Variants in PDE2A observed in about 807,000 individuals in gnomAD.
PDE2A encodes phosphodiesterase 2A.
In PDE2A, 53 loss-of-function variants were observed where a neutral mutation model predicts 133.6. The observed-to-expected ratio is 0.40, with a 90% CI of 0.32 to 0.50. The LOEUF (loss-of-function observed/expected upper bound fraction) is 0.50, where lower values mean the gene tolerates loss of function less well. PDE2A is among the 20% of genes least tolerant of loss of function. PDE2A has a pLI of 0.73. For missense variants in PDE2A, 796 were observed against 1,232.4 expected, an observed-to-expected ratio of 0.65 and a Z score of 5.30; for synonymous variants, 491 against 490.2, an observed-to-expected ratio of 1.00 and a Z score of -0.02.
At chr11:72,647,313 T>C (rs1859154626) in intron 1 of PDE2A, among the ~76,000 whole-genome samples, 1 of 152,210 alleles carries the variant, frequency 6.6e-6, no homozygotes, top group South Asian at 2.1e-4. Context: ...TTCCCTGACA[T>C]GCTGGGTGAC....
intron 6 of PDE2A, among the ~76,000 whole-genome samples, chr11:72,592,205 A>T (rs1180992224): frequency 1.3e-5 from 2 of 151,802 alleles, no homozygotes; most frequent in Non-Finnish European, 2.9e-5. Flanking sequence ...CAGCCTAGGG[A>T]CCCACTACAG....
Position 72,577,163 on chromosome 11 carries a change from T to C in PDE2A, c.*221A>G. On this transcript the variant is annotated 3_prime_UTR_variant, in exon 31 of 31. Coordinates refer to ENST00000334456, the MANE Select transcript of PDE2A (RefSeq NM_002599.5). ...GCCCACTGCTCATTGGTCACCCCTG[T>C]GCTCTCAGAAAACAAATTACAAAGT... The C allele has an allele frequency of 1.8e-6, 1 of 567,654 alleles. No individual in the cohort carries two copies. Among genetic ancestry groups the C allele is most frequent in the South Asian group, 2.3e-5 (1 of 42,748 alleles). 35.2% of individuals were successfully genotyped at this position (567,654 alleles called of 1,614,324 possible).
At chr11:72,663,241 C>G (rs1855124863) in intron 1 of PDE2A, among the ~76,000 whole-genome samples, 1 of 152,204 alleles carries the variant, frequency 6.6e-6, no homozygotes. Flanking sequence ...AGGGCACCCT[C>G]AAGGCCAGTT....
At position 72,590,664 on chromosome 11, in the gene PDE2A, C is replaced by A. The variant is rs1223056165; in HGVS notation, c.550-84G>T. 2 of 1,254,154 alleles carry A rather than the reference C, an allele frequency of 1.6e-6. No homozygotes were observed. The allele number at this position is 1,254,154 out of a possible 1,614,324, so 77.7% of individuals were successfully genotyped here. A position where few individuals can be genotyped will look rare whatever the true frequency, so the allele number is the denominator to read the frequency against. The stretch of plus-strand genomic sequence containing the variant: ...GCGGGATTCCTGCCTTTGCTCCCGC[C>A]GTTCCCTCTGCCTGCCGGGCCCAGG... On this transcript the variant is annotated intron_variant, in intron 7 of 30. Coordinates refer to ENST00000334456, the MANE Select transcript of PDE2A (RefSeq NM_002599.5). The surrounding 1 kb of genome is among the most constrained non-coding windows in gnomAD (Gnocchi z 4.8).
At chr11:72,648,763 T>C (rs1357855204) in intron 1 of PDE2A, among the ~76,000 whole-genome samples, 2 of 152,092 alleles carry the variant, frequency 1.3e-5, no homozygotes, top group Non-Finnish European at 2.9e-5. Context: ...GATCCTTCCT[T>C]TTCACAGGCT....
At chr11:72,602,780 G>A (rs1856814677) in intron 4 of PDE2A, among the ~76,000 whole-genome samples, 1 of 152,230 alleles carries the variant, frequency 6.6e-6, no homozygotes, top group Non-Finnish European at 1.5e-5. Flanking sequence ...GGAAAGCAGA[G>A]AGACAGGGAG....
intron 4 of PDE2A, among the ~76,000 whole-genome samples, chr11:72,600,150 T>C (rs1302279949): frequency 1.3e-5 from 2 of 152,164 alleles, no homozygotes; most frequent in African/African-American, 2.4e-5. Context: ...GGAGCTGGGC[T>C]TGAGCCTGAG....
At chr11:72,638,965 C>T (rs1858832174) in intron 2 of PDE2A, among the ~76,000 whole-genome samples, 1 of 152,204 alleles carries the variant, frequency 6.6e-6, no homozygotes, top group African/African-American at 2.4e-5. Context: ...CCAACACCCC[C>T]TTCAAGGTCC....
intron 4 of PDE2A, among the ~76,000 whole-genome samples, chr11:72,600,444 G>A (rs747578128): frequency 2.0e-5 from 3 of 151,936 alleles, no homozygotes; most frequent in East Asian, 1.9e-4. Context: ...GCCCTCCCCC[G>A]GCTTTGCGGG....
At chr11:72,585,912 T>G (rs570738688) in intron 14 of PDE2A, among the ~76,000 whole-genome samples, 158 bp downstream of exon 14, 2 of 152,318 alleles carry the variant, frequency 1.3e-5, no homozygotes, top group South Asian at 2.1e-4. Flanking sequence ...GCGCGGGTCC[T>G]GAACAACTGC....
intron 2 of PDE2A, among the ~76,000 whole-genome samples, chr11:72,623,608 C>T (rs1253916920): frequency 2.0e-5 from 3 of 152,100 alleles, no homozygotes; most frequent in Admixed American, 6.5e-5. Context: ...ACAGCTCACT[C>T]GGTTTCTGCC....
At chr11:72,611,060 T>C (rs1857192000) in intron 2 of PDE2A, among the ~76,000 whole-genome samples, 1 of 152,228 alleles carries the variant, frequency 6.6e-6, no homozygotes, top group African/African-American at 2.4e-5. Flanking sequence ...TGTTGGTTTG[T>C]GTCTATTCCT....
At chr11:72,653,441 A>AG (rs967775514) in intron 1 of PDE2A, among the ~76,000 whole-genome samples, 14 of 152,160 alleles carry the variant, frequency 9.2e-5, no homozygotes, top group Non-Finnish European at 1.3e-4. Context: ...GACCAGAGGC[A>AG]GGGGGGTCCT....
At chr11:72,616,433 C>T (rs895304766) in intron 2 of PDE2A, among the ~76,000 whole-genome samples, 4 of 152,184 alleles carry the variant, frequency 2.6e-5, no homozygotes, top group Admixed American at 1.3e-4. Flanking sequence ...GTGTCCTGCC[C>T]CTCTCCAGGT....
At position 72,580,797 on chromosome 11, in the gene PDE2A, C is replaced by T. The variant is rs1188290707; in HGVS notation, c.2133+89G>A. The T allele has an allele frequency of 4.0e-6, 4 of 1,007,360 alleles. No homozygotes were observed. In the African/African-American group the frequency reaches 4.7e-5, roughly 12 times the overall value. The allele number at this position is 1,007,360 out of a possible 1,614,324, so 62.4% of individuals were successfully genotyped here. On this transcript the variant is annotated intron_variant, in intron 24 of 30. Coordinates refer to ENST00000334456, the MANE Select transcript of PDE2A (RefSeq NM_002599.5). The stretch of plus-strand genomic sequence containing the variant: ...TGTCTAAACCTGGCTCCTGGTCTCA[C>T]TCGCTCCCACCCATCTTCAGGCTGG...
At position 72,584,603 on chromosome 11, in the gene PDE2A, G is replaced by T; in HGVS notation, c.1485C>A (p.Thr495=). The change falls in exon 18 of 31, where the codon ACC becomes ACA. Residue 495 remains threonine (T), a synonymous_variant. Coordinates refer to ENST00000334456, the MANE Select transcript of PDE2A (RefSeq NM_002599.5). ...PLFYRGVDDS[T]GFRTRNILCF... ...AGAGGATGTTGCGCGTGCGGAAGCC[G>T]GTGCTGTCGTCCACGCCGCGGTAGA... 6.2e-7 allele frequency: 1 copy of T among 1,612,650 alleles called. No homozygotes were observed. Among genetic ancestry groups the T allele is most frequent in the Non-Finnish European group, 8.5e-7 (1 of 1,180,022 alleles).
Position 72,577,389 on chromosome 11 carries a change from C to T in PDE2A, c.2821G>A (p.Glu941Lys), listed in dbSNP as rs1373447418. The T allele has an allele frequency of 1.9e-6, 3 of 1,612,274 alleles. No homozygotes were observed. Among genetic ancestry groups the T allele is most frequent in the Middle Eastern group, 1.7e-4 (1 of 6,054 alleles). ...GGAAGTGTCCCTGGAGGGGATCACT[C>T]AGCATCAAGGCTGCAGCAGCCATTG... The part of the protein sequence containing the change: ...PINGCCSLDA[E>K] Residue 941 changes from glutamate (E) to lysine (K), a missense_variant, in exon 31 of 31, where the codon GAG becomes AAG. Transcript: ENST00000334456.
At chr11:72,604,543 A>G (rs991810322) in intron 4 of PDE2A, among the ~76,000 whole-genome samples, 1 of 152,150 alleles carries the variant, frequency 6.6e-6, no homozygotes, top group Non-Finnish European at 1.5e-5. Flanking sequence ...GACACATTTA[A>G]TCCTCCCCAC....
chr11:72,585,424 A>G lies in PDE2A; in HGVS notation c.1233T>C (p.Ser411=). ...CCGTGATGATCTCCTGGAGCAGGAC[A>G]GAGACGTCATCTGGGGAAGGGAGAA... ...KNLFTHLDDV[S]VLLQEIITEA... is the part of the protein sequence containing the mutation. Residue 411 remains serine (S), a synonymous_variant, in exon 16 of 31, where the codon TCT becomes TCC. Coordinates refer to ENST00000334456, the MANE Select transcript of PDE2A (RefSeq NM_002599.5). 3 of 1,614,154 alleles carry G rather than the reference A, an allele frequency of 1.9e-6. No homozygotes were observed. The highest frequency in any genetic ancestry group is 2.5e-6 in the Non-Finnish European group (3 of 1,179,992).
Sources: allele counts gnomAD v4.1 joint callset (sites outside exome capture counted in the v4.1 genomes callset), GRCh38; gene constraint gnomAD v4.1.1; non-coding constraint Gnocchi (gnomAD v3.1); transcripts MANE v1.5; gene names NCBI Gene and HGNC (gene_info 2026-07-23, HGNC 2026-07-21).